The following IL1RAPL2 variants were observed in gnomAD, a reference collection of about 807,000 sequenced individuals.
IL1RAPL2 encodes the protein X-linked interleukin-1 receptor accessory protein-like 2.
IL1RAPL2 carries 3 observed loss-of-function variants against 44.1 expected under a neutral mutation model. That is an observed-to-expected ratio of 0.07 (90% CI 0.03 to 0.18). IL1RAPL2 has a LOEUF of 0.18. Among genes scored for constraint, IL1RAPL2 ranks in the 10% least tolerant of loss-of-function variants. IL1RAPL2 has a pLI of 1.00. For missense variants in IL1RAPL2, 391 were observed against 496.4 expected (o/e 0.79, Z 2.02); for synonymous variants, 181 against 178.8 (o/e 1.01, Z -0.10).
At chrX:104,939,341 G>GCCA (rs1213928006) in intron 2 of IL1RAPL2, among the ~76,000 whole-genome samples, 1 of 111,708 alleles carries the variant, frequency 9.0e-6, no homozygotes, top group Admixed American at 9.5e-5. Context: ...ACAGGCATGA[G>GCCA]CCACCACGCT....
intron 2 of IL1RAPL2, among the ~76,000 whole-genome samples, chrX:105,152,042 T>C (rs972917782): frequency 9.1e-6 from 1 of 110,349 alleles, no homozygotes; most frequent in Non-Finnish European, 1.9e-5. Context: ...ACAAATACAG[T>C]GGAGTGTATA....
chrX:105,401,183 G>C (rs2035604175), intron 5 of IL1RAPL2, among the ~76,000 whole-genome samples: 1 of 111,529 alleles, frequency 9.0e-6, no homozygotes, highest in African/African-American at 3.3e-5. Flanking sequence ...TGTTAAAATT[G>C]TAATTACATT....
chrX:105,757,753 C>T (rs767712645), intron 10 of IL1RAPL2, among the ~76,000 whole-genome samples: 1 of 111,464 alleles, frequency 9.0e-6, no homozygotes, highest in East Asian at 2.8e-4. Flanking sequence ...CGAGGAAATT[C>T]ATGTTCTCTG....
intron 2 of IL1RAPL2, among the ~76,000 whole-genome samples, chrX:104,748,425 A>G (rs1569307630): frequency 8.9e-6 from 1 of 111,921 alleles, no homozygotes; most frequent in Non-Finnish European, 1.9e-5. Flanking sequence ...CAATTTTTTG[A>G]CATTTCCAAC....
intron 6 of IL1RAPL2, among the ~76,000 whole-genome samples, chrX:105,605,963 G>A (rs1230557095): frequency 9.0e-6 from 1 of 111,497 alleles, no homozygotes; most frequent in African/African-American, 3.3e-5. Context: ...ATAGATTAAA[G>A]ACAAACATCA....
chrX:105,190,905 A>G (rs1360971859), intron 2 of IL1RAPL2, among the ~76,000 whole-genome samples: 2 of 112,348 alleles, frequency 1.8e-5, no homozygotes, highest in African/African-American at 6.5e-5. Flanking sequence ...CTGAAGAGGA[A>G]GTAGGAGGCT....
intron 2 of IL1RAPL2, among the ~76,000 whole-genome samples, chrX:104,823,338 C>G (rs931243375): frequency 9.0e-5 from 10 of 110,640 alleles, no homozygotes; most frequent in Non-Finnish European, 1.7e-4. Flanking sequence ...CTATGAGTGA[C>G]AATATGCGGT....
At chrX:104,599,694 A>G (rs1214528749) in intron 1 of IL1RAPL2, among the ~76,000 whole-genome samples, 1 of 106,589 alleles carries the variant, frequency 9.4e-6, no homozygotes, top group Admixed American at 1.0e-4. Context: ...ACACACACAC[A>G]CGTAATCATT....
chrX:104,634,093 C>T (rs1929727777), intron 1 of IL1RAPL2, among the ~76,000 whole-genome samples: 2 of 111,426 alleles, frequency 1.8e-5, no homozygotes, highest in African/African-American at 3.3e-5. Flanking sequence ...GCCTTCATTT[C>T]GTTATGTAGC....
intron 5 of IL1RAPL2, among the ~76,000 whole-genome samples, chrX:105,326,735 C>T (rs995894268): frequency 2.7e-5 from 3 of 111,315 alleles, no homozygotes; most frequent in Admixed American, 9.6e-5. Context: ...TTGATCTATA[C>T]GTCTATCCTT....
At chrX:105,373,403 G>C (rs1259163688) in intron 5 of IL1RAPL2, among the ~76,000 whole-genome samples, 1 of 111,529 alleles carries the variant, frequency 9.0e-6, no homozygotes. Flanking sequence ...GTTCCTTATA[G>C]ATGCTGGATA....
rs141419531 is a variant in IL1RAPL2, at chrX:104,863,762, C to T, written c.82+204767C>T. On this transcript the variant is annotated intron_variant, in intron 2 of 10. Transcript: ENST00000372582. ...AGGACTAAGACATAGCTTCTATCAC[C>T]GTATTTATGATGAAAATGGTGTAAG... Among the ~76,000 whole-genome samples the T allele has an allele frequency of 6.3e-3, 706 of 111,952 alleles. 3 individuals carry two copies. The highest frequency in any genetic ancestry group is 0.022 in the African/African-American group (673 of 30,836).
At chrX:104,969,340 C>T (rs892438557) in intron 2 of IL1RAPL2, among the ~76,000 whole-genome samples, 28 of 110,223 alleles carry the variant, frequency 2.5e-4, no homozygotes, top group African/African-American at 3.3e-4. Context: ...GTTATCTTGA[C>T]GTCACACCAT....
At chrX:105,113,692 A>G (rs1388071093) in intron 2 of IL1RAPL2, among the ~76,000 whole-genome samples, 1 of 111,680 alleles carries the variant, frequency 9.0e-6, no homozygotes, top group Non-Finnish European at 1.9e-5. Flanking sequence ...GTCTCCATCT[A>G]TCTGTCCTGA....
rs1202252840 is a variant in IL1RAPL2, at chrX:104,820,534, G to A, written c.82+161539G>A. On this transcript the variant is annotated intron_variant, in intron 2 of 10. Coordinates refer to ENST00000372582, the MANE Select transcript of IL1RAPL2 (RefSeq NM_017416.2). The stretch of plus-strand genomic sequence containing the variant: ...CTCATCCTAAAGCAGCAGGTTTTGA[G>A]CCTTGCCTCCATGCTACATTGTGAC... 7.2e-5 allele frequency among the ~76,000 whole-genome samples: 8 copies of A among 111,806 alleles called. No homozygotes were observed. The East Asian group carries it at 2.0e-3, about 28-fold the overall frequency.
chrX:104,866,702 T>G (rs927639777), intron 2 of IL1RAPL2, among the ~76,000 whole-genome samples: 1 of 111,938 alleles, frequency 8.9e-6, no homozygotes, highest in Non-Finnish European at 1.9e-5. Context: ...TTTGGTGATT[T>G]AGAAACAAAT....
At chrX:104,646,447 G>A (rs1207530969) in intron 1 of IL1RAPL2, among the ~76,000 whole-genome samples, 2 of 111,028 alleles carry the variant, frequency 1.8e-5, no homozygotes, top group East Asian at 5.6e-4. Flanking sequence ...TCTACATAGA[G>A]AATGTTGTAT....
At chrX:105,137,463 C>A (rs968325672) in intron 2 of IL1RAPL2, among the ~76,000 whole-genome samples, 6 of 111,362 alleles carry the variant, frequency 5.4e-5, no homozygotes, top group African/African-American at 2.0e-4. Context: ...CTGACATAAC[C>A]AGAAAACTAT....
rs765061442 is a variant in IL1RAPL2 at position 104,700,612 on chromosome X, T to G, written c.82+41617T>G. 6.2e-5 allele frequency among the ~76,000 whole-genome samples: 7 copies of G among 112,126 alleles called. No individual in the cohort carries two copies. The East Asian group carries it at 2.0e-3, about 32-fold the overall frequency. On this transcript the variant is annotated intron_variant, in intron 2 of 10. Transcript: ENST00000372582. ...AAGGCAGAGTGAATTCTGTCCAGAT[T>G]GTTGTCTTCAGAGTTTCTGGCCACT... is the stretch of plus-strand genomic sequence containing the variant.
Sources: gnomAD v4.1 joint callset for allele counts (sites outside exome capture counted in the v4.1 genomes callset) on GRCh38, gnomAD v4.1.1 for gene constraint, MANE v1.5 for transcripts, NCBI Gene and HGNC (gene_info 2026-07-23, HGNC 2026-07-21) for gene names.